Variants in SULF1 observed in about 807,000 individuals in gnomAD.
SULF1 encodes extracellular sulfatase Sulf-1.
SULF1 carries 46 observed loss-of-function variants against 110.5 expected under a neutral mutation model. That is an observed-to-expected ratio of 0.42 (90% CI 0.33 to 0.53). The LOEUF (loss-of-function observed/expected upper bound fraction) is 0.53, where lower values mean the gene tolerates loss of function less well. Among genes scored for constraint, SULF1 ranks in the 20% least tolerant of loss-of-function variants. SULF1 has a pLI of 0.12. For synonymous variants in SULF1, 371 were observed against 387.1 expected (o/e 0.96, Z 0.49); for missense variants, 941 against 1,094.2 (o/e 0.86, Z 1.98).
intron 7 of SULF1, among the ~76,000 whole-genome samples, chr8:69,587,471 A>T (rs1806552143): frequency 6.6e-6 from 1 of 152,220 alleles, no homozygotes. Context: ...TATACCCTTC[A>T]GAAAACAATG....
chr8:69,586,614 C>T, intron 7 of SULF1, 106 bp downstream of exon 7: 1 of 1,227,536 alleles, frequency 8.1e-7, no homozygotes, highest in Admixed American at 2.5e-5. Context: ...TCTATGTTCT[C>T]ACAATGTTAG....
At chr8:69,527,469 G>A (rs370401884) in intron 3 of SULF1, among the ~76,000 whole-genome samples, 6 of 152,206 alleles carry the variant, frequency 3.9e-5, no homozygotes, top group African/African-American at 1.2e-4. Flanking sequence ...GGGCTCTGCA[G>A]AGAGGACGAA....
At chr8:69,590,610 T>C (rs570874267) in intron 8 of SULF1, among the ~76,000 whole-genome samples, 1 of 152,306 alleles carries the variant, frequency 6.6e-6, no homozygotes, top group South Asian at 2.1e-4. Context: ...ACTAACAATA[T>C]GAAGCCAGGG....
At chr8:69,478,254 T>C (rs949232227) in intron 1 of SULF1, among the ~76,000 whole-genome samples, 4 of 152,148 alleles carry the variant, frequency 2.6e-5, no homozygotes, top group Non-Finnish European at 5.9e-5. Context: ...CTCTGTACCT[T>C]ATCTCTTTCT....
At chr8:69,547,298 G>A (rs73683970) in intron 3 of SULF1, among the ~76,000 whole-genome samples, 2 of 152,110 alleles carry the variant, frequency 1.3e-5, no homozygotes, top group Non-Finnish European at 2.9e-5. Flanking sequence ...GTGATGCCTT[G>A]TGAACACAGA....
chr8:69,526,372 T>G (rs1812660428), intron 3 of SULF1, among the ~76,000 whole-genome samples: 1 of 152,158 alleles, frequency 6.6e-6, no homozygotes, highest in African/African-American at 2.4e-5. Context: ...TTACATTTTC[T>G]TTTATTAGTC....
At chr8:69,549,708 C>A (rs551734193) in intron 3 of SULF1, among the ~76,000 whole-genome samples, 9 of 152,204 alleles carry the variant, frequency 5.9e-5, no homozygotes, top group Admixed American at 2.0e-4. Flanking sequence ...CTACTCGGAG[C>A]CTGAGAATGA....
At chr8:69,641,621 A>G (rs1811478593) in intron 22 of SULF1, among the ~76,000 whole-genome samples, 2 of 152,192 alleles carry the variant, frequency 1.3e-5, no homozygotes, top group South Asian at 2.1e-4. Context: ...CTGTAGTCCC[A>G]GCTACTCAGC....
chr8:69,545,446 A>G (rs1356583225), intron 3 of SULF1, among the ~76,000 whole-genome samples: 1 of 152,184 alleles, frequency 6.6e-6, no homozygotes, highest in African/African-American at 2.4e-5. Context: ...TAAAGGTTTT[A>G]TTCTCTCAAG....
At chr8:69,615,660 G>A (rs140310161) in intron 13 of SULF1, among the ~76,000 whole-genome samples, 3 of 152,188 alleles carry the variant, frequency 2.0e-5, no homozygotes, top group South Asian at 2.1e-4. Flanking sequence ...ATTTGATTTC[G>A]TATGATACAT....
chr8:69,587,120 G>A (rs1806522018), intron 7 of SULF1, among the ~76,000 whole-genome samples: 1 of 152,088 alleles, frequency 6.6e-6, no homozygotes, highest in African/African-American at 2.4e-5. Flanking sequence ...TTTGACCAGT[G>A]GGTTCTAGTT....
chr8:69,568,766 C>T (rs1804997357), intron 5 of SULF1, among the ~76,000 whole-genome samples: 1 of 152,114 alleles, frequency 6.6e-6, no homozygotes, highest in South Asian at 2.1e-4. Flanking sequence ...GCTAAGTAAA[C>T]ACGCAAGGAA....
chr8:69,594,055 ATT>A (rs372606566), intron 8 of SULF1, among the ~76,000 whole-genome samples: 1 of 145,486 alleles, frequency 6.9e-6, no homozygotes. Context: ...TGTTATTCCA[ATT>A]TTTTTTTTTT....
chr8:69,619,866 C>T (rs78971605), intron 13 of SULF1, among the ~76,000 whole-genome samples: 3,245 of 152,196 alleles, frequency 0.021, 31 homozygotes, highest in South Asian at 0.044. Flanking sequence ...CGGGTGCCGA[C>T]GGCCCCAGTG....
At chr8:69,489,578 T>TC (rs1809840580), upstream of SULF1, among the ~76,000 whole-genome samples, 1 of 140,656 alleles carries the variant, frequency 7.1e-6, no homozygotes, top group Non-Finnish European at 1.5e-5. Context: ...TCTCTTTTTT[T>TC]TTTTTTTTTT....
rs568892410 is a variant in SULF1 at position 69,484,361 on chromosome 8, T to A, written c.-390-11404T>A. Among the ~76,000 whole-genome samples, 120 of 152,290 alleles carry A rather than the reference T, an allele frequency of 7.9e-4. 1 individual carries two copies. Among genetic ancestry groups the A allele is most frequent in the Admixed American group, 4.5e-3 (69 of 15,298 alleles). ...CTCCTGGCACACATGGAACATTCAA[T>A]AAATGTTTGTTAAATGAATGAATAA... On this transcript the variant is annotated intron_variant, in intron 1 of 22. Transcript: ENST00000260128.
chr8:69,494,172 G>A (rs1481167973), intron 1 of SULF1, among the ~76,000 whole-genome samples: 2 of 152,072 alleles, frequency 1.3e-5, no homozygotes, highest in African/African-American at 4.8e-5. Flanking sequence ...TTTTAATGCT[G>A]TAAGTGCTGT....
chr8:69,611,099 T>A (rs1808618692), intron 13 of SULF1, among the ~76,000 whole-genome samples: 1 of 152,270 alleles, frequency 6.6e-6, no homozygotes, highest in Admixed American at 6.5e-5. Flanking sequence ...GGCATTTGCC[T>A]ATGTGCAAGT....
At chr8:69,577,942 T>C (rs531256336) in intron 6 of SULF1, among the ~76,000 whole-genome samples, 5 of 152,284 alleles carry the variant, frequency 3.3e-5, no homozygotes, top group Admixed American at 6.5e-5. Context: ...ATACAGACTT[T>C]AGAAGCTACA....
Sources: allele counts gnomAD v4.1 joint callset (sites outside exome capture counted in the v4.1 genomes callset), GRCh38; gene constraint gnomAD v4.1.1; transcripts MANE v1.5; gene names NCBI Gene and HGNC (gene_info 2026-07-23, HGNC 2026-07-21).